Variants in MSRA observed in about 807,000 individuals in gnomAD.
MSRA encodes mitochondrial peptide methionine sulfoxide reductase.
A neutral mutation model predicts 31.3 loss-of-function variants in MSRA; 54 were observed. That is an observed-to-expected ratio of 1.73 (90% confidence interval 1.39 to 2.17). The LOEUF is 2.17. MSRA is among the 30% of genes most tolerant of loss of function. MSRA has a pLI of 0.00. For missense variants in MSRA, 507 were observed against 300.9 expected (o/e 1.69, Z -5.07); for synonymous variants, 169 against 116.5 (o/e 1.45, Z -2.90).
chr8:10,188,529 G>C (rs1807244058), intron 1 of MSRA, among the ~76,000 whole-genome samples: 2 of 152,210 alleles, frequency 1.3e-5, no homozygotes, highest in African/African-American at 4.8e-5. Flanking sequence ...CTGTATTCAG[G>C]TTGTGAGCAC....
intron 1 of MSRA, among the ~76,000 whole-genome samples, chr8:10,114,726 A>T (rs1800554533): frequency 1.3e-5 from 2 of 152,330 alleles, no homozygotes; most frequent in South Asian, 4.1e-4. Context: ...GGACCAAGGA[A>T]AGCAAACCAC....
chr8:10,320,440 C>T (rs1441950874), intron 5 of MSRA: 1 of 152,980 alleles, frequency 6.5e-6, no homozygotes, highest in African/African-American at 2.4e-5. Flanking sequence ...TGCACTTCAG[C>T]CTGGGTGACA....
intron 1 of MSRA, among the ~76,000 whole-genome samples, chr8:10,135,685 C>T (rs1019965944): frequency 6.6e-6 from 1 of 152,182 alleles, no homozygotes; most frequent in African/African-American, 2.4e-5. Flanking sequence ...GCTAAATATA[C>T]TTAGGTTGAC....
At chr8:10,214,938 A>G (rs1809857049) in intron 2 of MSRA, among the ~76,000 whole-genome samples, 2 of 152,144 alleles carry the variant, frequency 1.3e-5, no homozygotes, top group African/African-American at 4.8e-5. Context: ...TGTGTTGAAA[A>G]TCTCTTTTGG....
At position 10,303,130 on chromosome 8, in the gene MSRA, A is replaced by G. The variant is rs773100639; in HGVS notation, c.436+1492A>G. On this transcript the variant is annotated intron_variant, in intron 4 of 5. Transcript: ENST00000317173. The stretch of plus-strand genomic sequence containing the variant: ...AAGAGCTCCAAAATTATCAGTGAAG[A>G]CATGTATCAGAGGCCCAGGCAAGGC... 2.6e-5 allele frequency among the ~76,000 whole-genome samples: 4 copies of G among 152,352 alleles called. No homozygotes were observed. The South Asian group carries it at 6.2e-4, about 24-fold the overall frequency.
At chr8:10,257,495 C>T (rs1224820776) in intron 3 of MSRA, among the ~76,000 whole-genome samples, 2 of 152,190 alleles carry the variant, frequency 1.3e-5, no homozygotes, top group African/African-American at 4.8e-5. Flanking sequence ...CAACCCCCGC[C>T]TCCCTGGCTC....
At position 10,366,120 on chromosome 8, in the gene MSRA, G is replaced by A. The variant is rs555841182; in HGVS notation, c.543+46131G>A. Among the ~76,000 whole-genome samples the A allele has an allele frequency of 2.0e-5, 3 of 152,366 alleles. No individual in the cohort carries two copies. The South Asian group carries it at 6.2e-4, about 32-fold the overall frequency. On this transcript the variant is annotated intron_variant, in intron 5 of 5. Coordinates refer to ENST00000317173, the MANE Select transcript of MSRA (RefSeq NM_012331.5). ...TCTTGTGGCCTGTCGAAAGGGAAGA[G>A]CAGCCATTTTATCTGGACGGCTTTC...
At chr8:10,313,344 C>G (rs992312219) in intron 4 of MSRA, among the ~76,000 whole-genome samples, 7 of 152,170 alleles carry the variant, frequency 4.6e-5, no homozygotes, top group African/African-American at 1.7e-4. Context: ...GTTACCATCT[C>G]CTTTTTATTA....
chr8:10,400,600 A>G (rs767822514), intron 5 of MSRA, among the ~76,000 whole-genome samples: 2 of 152,054 alleles, frequency 1.3e-5, no homozygotes, highest in African/African-American at 2.4e-5. Flanking sequence ...GCTGACCGAG[A>G]GATGTAGGGC....
chr8:10,090,167 A>C (rs982338236), intron 1 of MSRA, among the ~76,000 whole-genome samples: 1 of 152,194 alleles, frequency 6.6e-6, no homozygotes, highest in Non-Finnish European at 1.5e-5. Flanking sequence ...CTGGCTGTTA[A>C]AATTTTGAAT....
intron 3 of MSRA, among the ~76,000 whole-genome samples, chr8:10,281,558 A>C (rs1447495636): frequency 6.6e-6 from 1 of 152,252 alleles, no homozygotes; most frequent in African/African-American, 2.4e-5. Flanking sequence ...ATGCAAGTGC[A>C]GTGAACATAG....
chr8:10,057,993 C>T (rs1025954693), intron 1 of MSRA, among the ~76,000 whole-genome samples: 4 of 152,132 alleles, frequency 2.6e-5, no homozygotes, highest in African/African-American at 7.2e-5. Flanking sequence ...TGAATCTTAC[C>T]TTTTTATAGA....
At chr8:10,370,643 C>T (rs1013713740) in intron 5 of MSRA, among the ~76,000 whole-genome samples, 1 of 152,234 alleles carries the variant, frequency 6.6e-6, no homozygotes, top group African/African-American at 2.4e-5. Context: ...TGTAAAACAC[C>T]TCTCCCTCGG....
chr8:10,303,632 C>G (rs997704364), intron 4 of MSRA, among the ~76,000 whole-genome samples: 3 of 152,176 alleles, frequency 2.0e-5, no homozygotes, highest in Non-Finnish European at 4.4e-5. Context: ...GCCCCAGGAC[C>G]CCTCCAATCT....
At chr8:10,215,516 C>T (rs951859118) in intron 2 of MSRA, among the ~76,000 whole-genome samples, 1 of 152,230 alleles carries the variant, frequency 6.6e-6, no homozygotes, top group Non-Finnish European at 1.5e-5. Flanking sequence ...GTGACGCCAA[C>T]ATCACTAGGC....
At chr8:10,114,674 A>G (rs1800551452) in intron 1 of MSRA, among the ~76,000 whole-genome samples, 1 of 152,346 alleles carries the variant, frequency 6.6e-6, no homozygotes, top group Non-Finnish European at 1.5e-5. Flanking sequence ...GCAAGTGGAT[A>G]ATTGAAGTGA....
intron 1 of MSRA, among the ~76,000 whole-genome samples, chr8:10,187,422 C>G (rs1409652632): frequency 1.3e-5 from 2 of 152,210 alleles, no homozygotes; most frequent in African/African-American, 4.8e-5. Flanking sequence ...CCTTCCACCA[C>G]CAGCTTCTGC....
intron 2 of MSRA, among the ~76,000 whole-genome samples, chr8:10,240,413 G>A (rs978210943): frequency 6.6e-6 from 1 of 152,150 alleles, no homozygotes; most frequent in African/African-American, 2.4e-5. Context: ...AGGTACTAGG[G>A]TAGCCAGTGA....
chr8:10,403,351 A>G (rs984759185), intron 5 of MSRA, among the ~76,000 whole-genome samples: 1 of 152,192 alleles, frequency 6.6e-6, no homozygotes, highest in Non-Finnish European at 1.5e-5. Context: ...CTGTGTGGGA[A>G]GGCAGGTGCC....
Sources: allele counts gnomAD v4.1 joint callset (sites outside exome capture counted in the v4.1 genomes callset), GRCh38; gene constraint gnomAD v4.1.1; transcripts MANE v1.5; gene names NCBI Gene and HGNC (gene_info 2026-07-23, HGNC 2026-07-21).